The following LMBRD1 variants were observed in gnomAD, a reference collection of about 807,000 sequenced individuals.
LMBRD1 encodes the protein LMBR1 domain containing 1.
Under a neutral mutation model 74.8 loss-of-function variants are expected in LMBRD1, and 64 were observed. The ratio of observed to expected loss-of-function variants is 0.86; its 90% CI spans 0.70 to 1.05. The LOEUF (loss-of-function observed/expected upper bound fraction) is 1.05, where lower values mean the gene tolerates loss of function less well. Ranked by LOEUF, LMBRD1 falls within the 50% of genes least tolerant of loss-of-function variation. LMBRD1 has a pLI of 0.00. For synonymous variants in LMBRD1, 204 were observed against 216.3 expected, an observed-to-expected ratio of 0.94 and a Z score of 0.50; for missense variants, 652 against 645.9, an observed-to-expected ratio of 1.01 and a Z score of -0.10.
chr6:69,744,408 T>C (rs915493916), intron 5 of LMBRD1, among the ~76,000 whole-genome samples: 4 of 152,198 alleles, frequency 2.6e-5, no homozygotes, highest in African/African-American at 9.6e-5. Flanking sequence ...CATAAATGGG[T>C]TAAAATACAA....
intron 4 of LMBRD1, among the ~76,000 whole-genome samples, chr6:69,751,471 C>T (rs9364057): frequency 0.34 from 51,072 of 152,064 alleles, 9,650 homozygotes; most frequent in East Asian, 0.54. Context: ...GGATTACAGG[C>T]CCTTGCCGCC....
intron 3 of LMBRD1, among the ~76,000 whole-genome samples, chr6:69,758,015 T>TAG (rs961296802): frequency 8.5e-5 from 13 of 152,108 alleles, no homozygotes; most frequent in Non-Finnish European, 1.6e-4. Context: ...AACAAGTGAA[T>TAG]AGAGAGCCAC....
intron 14 of LMBRD1, among the ~76,000 whole-genome samples, chr6:69,680,655 T>G (rs1308963368): frequency 6.6e-6 from 1 of 152,098 alleles, no homozygotes; most frequent in Non-Finnish European, 1.5e-5. Context: ...TCATTCTGCG[T>G]TGTTGTTGAA....
chr6:69,682,149 G>A (rs1251356938), intron 14 of LMBRD1, among the ~76,000 whole-genome samples: 4 of 151,630 alleles, frequency 2.6e-5, no homozygotes, highest in African/African-American at 9.7e-5. Context: ...AAAAAATGAA[G>A]ATATATAATA....
intron 7 of LMBRD1, among the ~76,000 whole-genome samples, chr6:69,725,339 T>TCACACACA (rs111747887): frequency 4.0e-5 from 6 of 148,196 alleles, no homozygotes; most frequent in Middle Eastern, 3.4e-3. Context: ...ATGACAATCT[T>TCACACACA]CACACACACA....
At chr6:69,761,510 A>G (rs1274995717) in intron 3 of LMBRD1, among the ~76,000 whole-genome samples, 2 of 152,214 alleles carry the variant, frequency 1.3e-5, no homozygotes, top group Non-Finnish European at 2.9e-5. Flanking sequence ...AAATAATAAA[A>G]GTGCAAATCC....
chr6:69,689,712 T>C (rs961140160), intron 14 of LMBRD1, among the ~76,000 whole-genome samples: 29 of 152,142 alleles, frequency 1.9e-4, no homozygotes, highest in Non-Finnish European at 3.5e-4. Context: ...GAATTGTTTA[T>C]CAGAGTAATA....
intron 7 of LMBRD1, among the ~76,000 whole-genome samples, chr6:69,729,267 G>C (rs931168494): frequency 2.7e-5 from 4 of 147,986 alleles, no homozygotes; most frequent in African/African-American, 1.0e-4. Flanking sequence ...TTCAGGTCTC[G>C]GTTTAATTAC....
In LMBRD1 at chr6:69,676,521, T is replaced by C. The variant is rs138023744; in HGVS notation, c.1438A>G (p.Thr480Ala). The C allele has an allele frequency of 3.0e-4, 492 of 1,613,190 alleles. 1 individual carries two copies. Among genetic ancestry groups the C allele is most frequent in the Non-Finnish European group, 4.0e-4 (474 of 1,179,328 alleles). Reference protein sequence around the residue: ...APEDQCTVTRTYLFLHKFWFF... With the variant: ...APEDQCTVTRAYLFLHKFWFF... ...CAGAACTTGTGAAGGAATAGGTATG[T>C]CCGGGTAACAGTACACTGATCTGTG... Residue 480 changes from threonine to alanine, a missense_variant, in exon 15 of 16, where the codon ACA becomes GCA. Around this residue, in one of 3 missense-constraint regions of LMBRD1, gnomAD observed 598 missense variants for 581.8 expected, o/e 1.03. Transcript: ENST00000649934.
chr6:69,796,738 A>G, intron 1 of LMBRD1, 75 bp downstream of exon 1: 1 of 1,383,240 alleles, frequency 7.2e-7, no homozygotes, highest in Non-Finnish European at 1.0e-6. Flanking sequence ...GGGCCCGGAG[A>G]GGCCAACTGC....
intron 7 of LMBRD1, among the ~76,000 whole-genome samples, chr6:69,723,090 A>AT (rs1206169361): frequency 2.0e-5 from 3 of 152,206 alleles, no homozygotes; most frequent in Non-Finnish European, 2.9e-5. Flanking sequence ...AAAGAAGATC[A>AT]TTATATAGTG....
At chr6:69,719,499 A>G (rs1208574309) in intron 7 of LMBRD1, among the ~76,000 whole-genome samples, 1 of 152,170 alleles carries the variant, frequency 6.6e-6, no homozygotes, top group Non-Finnish European at 1.5e-5. Flanking sequence ...TATACATGTT[A>G]TTTGATTAGC....
intron 3 of LMBRD1, among the ~76,000 whole-genome samples, chr6:69,754,576 T>C (rs1464192878): frequency 3.3e-5 from 5 of 152,242 alleles, no homozygotes; most frequent in African/African-American, 4.8e-5. Context: ...ATGAAATTTA[T>C]GCAGGCTTTT....
intron 14 of LMBRD1, among the ~76,000 whole-genome samples, chr6:69,691,300 C>T (rs2149839371): frequency 6.6e-6 from 1 of 150,882 alleles, no homozygotes; most frequent in Admixed American, 6.6e-5. Flanking sequence ...ACTATCTGTG[C>T]AACTTTTATC....
At chr6:69,789,287 G>T (rs912313733) in intron 2 of LMBRD1, among the ~76,000 whole-genome samples, 1 of 152,162 alleles carries the variant, frequency 6.6e-6, no homozygotes, top group African/African-American at 2.4e-5. Context: ...ACTTTGGGAG[G>T]CTGGGCACGT....
rs569280090 is a variant in LMBRD1 at position 69,674,270 on chromosome 6, T to C, written c.*1888A>G. Among the ~76,000 whole-genome samples the C allele has an allele frequency of 1.3e-5, 2 of 152,356 alleles. No homozygotes were observed. Among genetic ancestry groups the C allele is most frequent in the African/African-American group, 2.4e-5 (1 of 41,598 alleles). On this transcript the variant is annotated 3_prime_UTR_variant, in exon 16 of 16. Transcript: ENST00000649934. ...TACTTTAATTACTTTTAAAAGGCCC[T>C]ATCTCCACATAAAGTATTATTCTAT... is the stretch of plus-strand genomic sequence containing the variant.
intron 7 of LMBRD1, among the ~76,000 whole-genome samples, chr6:69,728,763 T>G (rs1265656892): frequency 6.6e-6 from 1 of 152,204 alleles, no homozygotes; most frequent in Non-Finnish European, 1.5e-5. Context: ...ATATATGTCA[T>G]TCCTCTAATT....
chr6:69,677,854 T>C (rs1000355213), intron 14 of LMBRD1, among the ~76,000 whole-genome samples: 1 of 152,152 alleles, frequency 6.6e-6, no homozygotes, highest in Admixed American at 6.6e-5. Context: ...AAAATGTAAC[T>C]CTCAAAGAGA....
At chr6:69,704,904 T>TTTC (rs1766216013) in intron 9 of LMBRD1, among the ~76,000 whole-genome samples, 1 of 104,770 alleles carries the variant, frequency 9.5e-6, no homozygotes, top group Non-Finnish European at 2.0e-5. Context: ...GGATTGGACA[T>TTTC]TTGTTTTTTT....
Sources: gnomAD v4.1 joint callset for allele counts (sites outside exome capture counted in the v4.1 genomes callset) on GRCh38, gnomAD v4.1.1 for gene constraint, gnomAD v4.1.1 regional missense constraint, MANE v1.5 for transcripts, NCBI Gene and HGNC (gene_info 2026-07-23, HGNC 2026-07-21) for gene names.